Variants in TMEM181 observed in about 807,000 individuals in gnomAD.
TMEM181 encodes the protein transmembrane protein 181, also known as G protein-coupled receptor 178.
In TMEM181, 39 loss-of-function variants were observed where a neutral mutation model predicts 71.9. That is an observed-to-expected ratio of 0.54 (90% confidence interval 0.42 to 0.71). TMEM181 has a LOEUF of 0.71. TMEM181 is among the 30% of genes least tolerant of loss of function. The pLI, the probability that TMEM181 is intolerant of heterozygous loss-of-function variation, is 0.00. For synonymous variants in TMEM181, 245 were observed against 228.8 expected (o/e 1.07, Z -0.64); for missense variants, 595 against 583.0 (o/e 1.02, Z -0.21).
chr6:158,560,405 T>G (rs954094141), intron 1 of TMEM181, among the ~76,000 whole-genome samples, 173 bp downstream of exon 1: 1 of 151,864 alleles, frequency 6.6e-6, no homozygotes, highest in African/African-American at 2.4e-5. Context: ...CGGAGGTGTT[T>G]GCGCGGGGCG....
At chr6:158,589,532 A>T (rs1460301400) in intron 5 of TMEM181, 140 bp from the exon 6 acceptor site, 6 of 635,834 alleles carry the variant, frequency 9.4e-6, no homozygotes, top group Non-Finnish European at 1.7e-5. Flanking sequence ...CTGGCATCTG[A>T]CTTTCTCTGG....
chr6:158,556,269 C>A (rs1203025393), upstream of TMEM181, among the ~76,000 whole-genome samples: 1 of 152,208 alleles, frequency 6.6e-6, no homozygotes, highest in Non-Finnish European at 1.5e-5. Context: ...CAAGCTGTGC[C>A]AGCAGAGTTC....
chr6:158,591,265 C>G (rs1359028704), intron 6 of TMEM181, among the ~76,000 whole-genome samples: 1 of 152,104 alleles, frequency 6.6e-6, no homozygotes, highest in East Asian at 1.9e-4. Context: ...CCTCTGCACC[C>G]CTCTGGCTCC....
intron 5 of TMEM181, among the ~76,000 whole-genome samples, chr6:158,588,623 G>C (rs979659552): frequency 6.6e-6 from 1 of 152,102 alleles, no homozygotes; most frequent in African/African-American, 2.4e-5. Context: ...CTGATTTTTG[G>C]TACTTTTAGT....
chr6:158,623,713 T>G, intron 11 of TMEM181, 106 bp downstream of exon 11: 1 of 772,586 alleles, frequency 1.3e-6, no homozygotes, highest in Non-Finnish European at 2.1e-6. Context: ...GCTAACTGAC[T>G]ACTTGGGAAG....
intron 1 of TMEM181, among the ~76,000 whole-genome samples, chr6:158,544,303 C>T (rs1296678095): frequency 6.6e-6 from 1 of 151,588 alleles, no homozygotes; most frequent in Non-Finnish European, 1.5e-5. Flanking sequence ...ATATGGTGCT[C>T]AGCGCATCCT....
chr6:158,614,378 C>T (rs754516746), intron 10 of TMEM181, among the ~76,000 whole-genome samples: 3 of 152,224 alleles, frequency 2.0e-5, no homozygotes, highest in Non-Finnish European at 2.9e-5. Context: ...CTTTTTATTA[C>T]ATAAAAATCC....
intron 11 of TMEM181, among the ~76,000 whole-genome samples, chr6:158,624,362 G>T (rs1178453149): frequency 6.6e-6 from 1 of 152,248 alleles, no homozygotes; most frequent in Non-Finnish European, 1.5e-5. Context: ...GATTCCTGCT[G>T]TGCTGTCCTG....
At chr6:158,580,427 A>C (rs1445835924) in intron 2 of TMEM181, among the ~76,000 whole-genome samples, 3 of 152,224 alleles carry the variant, frequency 2.0e-5, no homozygotes, top group South Asian at 2.1e-4. Flanking sequence ...TGGAAAAAAA[A>C]CTATGAGGTT....
chr6:158,598,154 A>G (rs1043329017), intron 6 of TMEM181, among the ~76,000 whole-genome samples: 2 of 152,204 alleles, frequency 1.3e-5, no homozygotes, highest in East Asian at 3.8e-4. Context: ...GACCTTTGAC[A>G]CTACAAAAAT....
chr6:158,605,484 T>C (rs957886409), intron 7 of TMEM181, 137 bp downstream of exon 7: 10 of 785,686 alleles, frequency 1.3e-5, no homozygotes, highest in African/African-American at 1.7e-5. Flanking sequence ...TGTGCTGATA[T>C]TACAACTCTG....
chr6:158,598,302 G>A (rs12662769), intron 6 of TMEM181, among the ~76,000 whole-genome samples: 8 of 151,988 alleles, frequency 5.3e-5, no homozygotes, highest in African/African-American at 1.9e-4. Context: ...AGTGTTTTTC[G>A]GGCCGAGTTT....
At chr6:158,548,025 C>T (rs1781592603) in intron 1 of TMEM181, among the ~76,000 whole-genome samples, 1 of 152,108 alleles carries the variant, frequency 6.6e-6, no homozygotes, top group African/African-American at 2.4e-5. Context: ...CATGGGGGCT[C>T]CTTCGCCCCA....
chr6:158,585,985 T>C (rs1783747444), intron 5 of TMEM181, among the ~76,000 whole-genome samples: 1 of 152,214 alleles, frequency 6.6e-6, no homozygotes, highest in Non-Finnish European at 1.5e-5. Flanking sequence ...CTACCAGGGC[T>C]GACTAATTTT....
At chr6:158,550,264 C>T (rs921589903) in intron 1 of TMEM181, among the ~76,000 whole-genome samples, 3 of 151,478 alleles carry the variant, frequency 2.0e-5, no homozygotes, top group Non-Finnish European at 2.9e-5. Context: ...AGGCTGGTCT[C>T]GAACTCCTGA....
intron 1 of TMEM181, among the ~76,000 whole-genome samples, chr6:158,550,711 T>C (rs1371650913): frequency 6.6e-6 from 1 of 151,946 alleles, no homozygotes; most frequent in Admixed American, 6.6e-5. Context: ...AACAGAGTAG[T>C]CCCCAATTTT....
intron 1 of TMEM181, chr6:158,572,375 C>G: frequency 2.2e-6 from 1 of 456,596 alleles, no homozygotes; most frequent in South Asian, 1.5e-5. Flanking sequence ...GCTCGGTCTC[C>G]TTCCCGCTGG....
At chr6:158,583,000 CGAGGTGGGCT>C (rs1783562551) in intron 3 of TMEM181, among the ~76,000 whole-genome samples, 1 of 151,894 alleles carries the variant, frequency 6.6e-6, no homozygotes, top group African/African-American at 2.4e-5. Context: ...TTTGGGAGGC[CGAGGTGGGCT>C]GATCATGAGA....
chr6:158,630,866 A>G (rs565434694), intron 15 of TMEM181, among the ~76,000 whole-genome samples: 1 of 150,896 alleles, frequency 6.6e-6, no homozygotes, highest in African/African-American at 2.4e-5. Flanking sequence ...GCACTTGCCC[A>G]GCACCTTCAC....
Sources: gnomAD v4.1 joint callset for allele counts (sites outside exome capture counted in the v4.1 genomes callset) on GRCh38, gnomAD v4.1.1 for gene constraint, MANE v1.5 for transcripts, NCBI Gene and HGNC (gene_info 2026-07-23, HGNC 2026-07-21) for gene names.